Variants in AP2A2 observed in about 807,000 individuals in gnomAD.
The protein encoded by AP2A2 is AP-2 complex subunit alpha-2.
AP2A2 carries 32 observed loss-of-function variants against 104.2 expected under a neutral mutation model. That is an observed-to-expected ratio of 0.31 (90% CI 0.23 to 0.41). AP2A2 has a LOEUF of 0.41. Among genes scored for constraint, AP2A2 ranks in the 10% least tolerant of loss-of-function variants. The probability of loss-of-function intolerance (pLI) is 1.00; values close to 1 mark genes in which losing one functional copy is unlikely to be tolerated. For synonymous variants in AP2A2, 539 were observed against 533.3 expected, an observed-to-expected ratio of 1.01 and a Z score of -0.15; for missense variants, 912 against 1,261.0, an observed-to-expected ratio of 0.72 and a Z score of 4.19.
At chr11:971,968 C>T (rs369684220) in intron 3 of AP2A2, 94 bp from the exon 4 acceptor site, 221 of 1,274,490 alleles carry the variant, frequency 1.7e-4, no homozygotes, top group Non-Finnish European at 2.1e-4. Context: ...GGGCTGCTTC[C>T]GCATCTGTGT....
rs115070594 is a variant in AP2A2, at chr11:944,871, G to A, written c.68-14566G>A. Among the ~76,000 whole-genome samples the A allele has an allele frequency of 7.7e-3, 1,090 of 142,126 alleles. 22 individuals carry two copies. The highest frequency in any genetic ancestry group is 0.026 in the African/African-American group (1,039 of 39,224). 93.2% of individuals were successfully genotyped at this position (142,126 alleles called of 152,430 possible). A position where few individuals can be genotyped will look rare whatever the true frequency, so the allele number is the denominator to read the frequency against. On this transcript the variant is annotated intron_variant, in intron 1 of 21. Coordinates refer to ENST00000448903, the MANE Select transcript of AP2A2 (RefSeq NM_012305.4). ...AGCAATCCTGGGTGGAAAGGCAGTA[G>A]GGGGTTAGGTTGGGGGGAATGAAGG...
intron 6 of AP2A2, among the ~76,000 whole-genome samples, chr11:981,667 C>T (rs1589990149): frequency 6.6e-6 from 1 of 152,270 alleles, no homozygotes; most frequent in African/African-American, 2.4e-5. Context: ...AGCACACATT[C>T]TTTTGTTTTG....
At position 1,010,938 on chromosome 11, in the gene AP2A2, C is replaced by G. The variant is rs536440223; in HGVS notation, c.*313C>G. The G allele has an allele frequency of 1.4e-6, 1 of 715,656 alleles. No homozygotes were observed. The highest frequency in any genetic ancestry group is 2.6e-6 in the Non-Finnish European group (1 of 391,664). The allele number at this position is 715,656 out of a possible 1,614,324, so 44.3% of individuals were successfully genotyped here. ...AAATTAGAAGTTGGCGTGAACGTGG[C>G]GTTTGTGGGAGTGTCACTGAGATGG... On this transcript the variant is annotated 3_prime_UTR_variant, in exon 22 of 22. Coordinates refer to ENST00000448903, the MANE Select transcript of AP2A2 (RefSeq NM_012305.4).
chr11:991,567 C>T (rs980375717), intron 10 of AP2A2, among the ~76,000 whole-genome samples: 1 of 152,132 alleles, frequency 6.6e-6, no homozygotes, highest in African/African-American at 2.4e-5. Context: ...GGGACCCTGC[C>T]AGTGAGGCCT....
Position 926,014 on chromosome 11 carries a change from G to A in AP2A2, c.-8G>A. 7.1e-7 allele frequency: 1 copy of A among 1,408,720 alleles called. No homozygotes were observed. Among genetic ancestry groups the A allele is most frequent in the South Asian group, 1.5e-5 (1 of 67,924 alleles). 87.3% of individuals were successfully genotyped at this position (1,408,720 alleles called of 1,614,324 possible). ...CCGCCAGCCGAGGCCGCTCCCGAGC[G>A]TCGGAAGATGCCGGCCGTGTCCAAG... is the stretch of plus-strand genomic sequence containing the variant. On this transcript the variant is annotated 5_prime_UTR_variant, in exon 1 of 22. Coordinates refer to ENST00000448903, the MANE Select transcript of AP2A2 (RefSeq NM_012305.4).
intron 1 of AP2A2, among the ~76,000 whole-genome samples, chr11:945,698 C>A (rs1416841761): frequency 1.3e-5 from 2 of 152,118 alleles, no homozygotes; most frequent in African/African-American, 4.8e-5. Context: ...GGTCTGTAAT[C>A]CCAGCACTTT....
chr11:935,660 T>C (rs1853434989), intron 1 of AP2A2, among the ~76,000 whole-genome samples: 1 of 134,724 alleles, frequency 7.4e-6, no homozygotes, highest in African/African-American at 2.8e-5. Context: ...CAGGCTAGAG[T>C]GCAGTGGTGT....
In AP2A2 at chr11:1,010,747, C is replaced by T; in HGVS notation, c.*122C>T. 1.2e-6 allele frequency: 1 copy of T among 809,292 alleles called. No individual in the cohort carries two copies. The highest frequency in any genetic ancestry group is 2.1e-6 in the Non-Finnish European group (1 of 478,850). 50.1% of individuals were successfully genotyped at this position (809,292 alleles called of 1,614,324 possible). A position where few individuals can be genotyped will look rare whatever the true frequency, so the allele number is the denominator to read the frequency against. On this transcript the variant is annotated 3_prime_UTR_variant, in exon 22 of 22. Transcript: ENST00000448903. The stretch of plus-strand genomic sequence containing the variant: ...GCCACAGCACAAGGCGCCTCCCCGC[C>T]CCGCCGCCCCACACCTCTCCCCTTT...
chr11:927,816 C>CA (rs35472837), intron 1 of AP2A2, among the ~76,000 whole-genome samples: 43,020 of 69,842 alleles, frequency 0.62, 12,619 homozygotes, highest in Admixed American at 0.66. Flanking sequence ...ACCTTTCTCA[C>CA]AAAAAAAAAA....
At chr11:941,078 G>A (rs966091065) in intron 1 of AP2A2, among the ~76,000 whole-genome samples, 2 of 152,192 alleles carry the variant, frequency 1.3e-5, no homozygotes, top group African/African-American at 4.8e-5. Context: ...GGGCCGAGGG[G>A]CCTGCCTGGC....
intron 2 of AP2A2, 95 bp from the exon 3 acceptor site, chr11:970,074 G>A (rs1854765548): frequency 5.7e-6 from 8 of 1,406,636 alleles, no homozygotes; most frequent in East Asian, 2.3e-5. Flanking sequence ...AGGCTTGTCC[G>A]TGCTGCCTGC....
At chr11:958,278 G>T (rs193023832) in intron 1 of AP2A2, among the ~76,000 whole-genome samples, 1 of 152,364 alleles carries the variant, frequency 6.6e-6, no homozygotes, top group Admixed American at 6.5e-5. Flanking sequence ...CACCCTGCTG[G>T]TGTGTTGCTC....
In AP2A2 at chr11:1,011,571, A is replaced by T. The variant is rs779073367; in HGVS notation, c.*946A>T. On this transcript the variant is annotated 3_prime_UTR_variant, in exon 22 of 22. Coordinates refer to ENST00000448903, the MANE Select transcript of AP2A2 (RefSeq NM_012305.4). ...ACCTGCGGCTTGTGTCTCACCTGTC[A>T]TCTGGACTCAGCACCCAGGCTGCAC... 1 of 452,114 alleles carries T rather than the reference A, an allele frequency of 2.2e-6. No homozygotes were observed. Among genetic ancestry groups the T allele is most frequent in the African/African-American group, 2.0e-5 (1 of 50,390 alleles). The allele number at this position is 452,114 out of a possible 1,614,324, so 28.0% of individuals were successfully genotyped here.
At chr11:999,558 G>C (rs185478316) in intron 14 of AP2A2, among the ~76,000 whole-genome samples, 2 of 152,116 alleles carry the variant, frequency 1.3e-5, no homozygotes, top group African/African-American at 4.8e-5. Flanking sequence ...TAAACTCCTG[G>C]ACTCAAGCAG....
At chr11:1,002,343 T>C (rs912154758) in intron 15 of AP2A2, among the ~76,000 whole-genome samples, 1 of 152,240 alleles carries the variant, frequency 6.6e-6, no homozygotes, top group Non-Finnish European at 1.5e-5. Flanking sequence ...ATCTCTGCTT[T>C]GTTAGCCGCC....
At chr11:932,715 T>C (rs1853330471) in intron 1 of AP2A2, 2 of 456,286 alleles carry the variant, frequency 4.4e-6, no homozygotes, top group Non-Finnish European at 8.8e-6. Flanking sequence ...CCAAGGTTGG[T>C]GGTCACTGCT....
chr11:982,674 G>T, intron 6 of AP2A2, among the ~76,000 whole-genome samples: 1 of 150,250 alleles, frequency 6.7e-6, no homozygotes. Context: ...TTTTGAGATA[G>T]GGTCTCGCTC....
chr11:991,652 G>T (rs1855659301), intron 10 of AP2A2, among the ~76,000 whole-genome samples: 1 of 151,514 alleles, frequency 6.6e-6, no homozygotes, highest in South Asian at 2.1e-4. Context: ...TGCCCTGGAA[G>T]TGTCACGGAG....
intron 10 of AP2A2, among the ~76,000 whole-genome samples, chr11:989,506 C>T (rs1169384038): frequency 6.6e-6 from 1 of 152,190 alleles, no homozygotes. Context: ...ATTTTGAGCC[C>T]TTGAATTAAT....
Sources: allele counts gnomAD v4.1 joint callset (sites outside exome capture counted in the v4.1 genomes callset), GRCh38; gene constraint gnomAD v4.1.1; transcripts MANE v1.5; gene names NCBI Gene and HGNC (gene_info 2026-07-23, HGNC 2026-07-21).